The following MICU1 variants were observed in gnomAD, a reference collection of about 807,000 sequenced individuals.
The protein encoded by MICU1 is calcium uptake protein 1, mitochondrial.
Under a neutral mutation model 56.8 loss-of-function variants are expected in MICU1, and 45 were observed. The observed-to-expected ratio is 0.79, with a 90% confidence interval of 0.62 to 1.02. MICU1 has a LOEUF of 1.02. MICU1 is among the 50% of genes least tolerant of loss of function. The pLI, the probability that MICU1 is intolerant of heterozygous loss-of-function variation, is 0.00. For synonymous variants in MICU1, 186 were observed against 195.1 expected, an observed-to-expected ratio of 0.95 and a Z score of 0.39; for missense variants, 504 against 587.1, an observed-to-expected ratio of 0.86 and a Z score of 1.46.
intron 7 of MICU1, among the ~76,000 whole-genome samples, chr10:72,475,538 C>T (rs2132269337): frequency 1.3e-5 from 2 of 152,032 alleles, no homozygotes; most frequent in South Asian, 4.2e-4. Context: ...AAGCAATTCT[C>T]ATGCCTCAGC....
intron 5 of MICU1, among the ~76,000 whole-genome samples, chr10:72,512,219 C>T (rs1337717001): frequency 1.3e-5 from 2 of 149,410 alleles, no homozygotes; most frequent in African/African-American, 5.0e-5. Flanking sequence ...TCAAGCAATT[C>T]CCCTGCCTCA....
rs184127987 is a variant in MICU1 at position 72,546,919 on chromosome 10, T to A, written c.493+4260A>T. Among the ~76,000 whole-genome samples the A allele has an allele frequency of 5.6e-3, 820 of 145,428 alleles. 6 individuals carry two copies. The highest frequency in any genetic ancestry group is 0.018 in the African/African-American group (704 of 38,808). The stretch of plus-strand genomic sequence containing the variant: ...TTTTTTTTTTTTTTTTGAGATGGAG[T>A]CTCGCTCTGTCGCCCAGGCTGGACT... On this transcript the variant is annotated intron_variant, in intron 4 of 11. Transcript: ENST00000361114.
chr10:72,406,996 CT>C (rs1863652849), intron 10 of MICU1, among the ~76,000 whole-genome samples: 1 of 152,152 alleles, frequency 6.6e-6, no homozygotes, highest in Admixed American at 6.5e-5. Flanking sequence ...GGAGATGGAT[CT>C]CAAAAACATT....
At chr10:72,485,553 TAA>T (rs1297196197) in intron 6 of MICU1, among the ~76,000 whole-genome samples, 4 of 140,514 alleles carry the variant, frequency 2.8e-5, no homozygotes, top group Non-Finnish European at 1.6e-5. Flanking sequence ...CGTTTCCAGT[TAA>T]AAAAAAAAAA....
intron 10 of MICU1, among the ~76,000 whole-genome samples, chr10:72,380,746 A>G (rs977367411): frequency 1.3e-5 from 2 of 152,176 alleles, no homozygotes. Context: ...CTTTCCCTAT[A>G]CACACTGGGT....
chr10:72,612,380 T>C (rs1318060168), intron 1 of MICU1, among the ~76,000 whole-genome samples: 1 of 151,892 alleles, frequency 6.6e-6, no homozygotes, highest in Non-Finnish European at 1.5e-5. Context: ...AAACATGCAG[T>C]CGAAAAGGAA....
At chr10:72,470,708 C>T (rs926675875) in intron 8 of MICU1, among the ~76,000 whole-genome samples, 1 of 151,410 alleles carries the variant, frequency 6.6e-6, no homozygotes, top group Non-Finnish European at 1.5e-5. Flanking sequence ...GAACTTTGAT[C>T]GGGGGGGGTG....
chr10:72,613,269 A>ATT (rs34740619), intron 1 of MICU1, among the ~76,000 whole-genome samples: 4,771 of 129,296 alleles, frequency 0.037, 280 homozygotes, highest in African/African-American at 0.12. Flanking sequence ...TTTACCCCTA[A>ATT]TTTTTTTTTT....
chr10:72,589,833 T>C (rs1841171532), intron 1 of MICU1, among the ~76,000 whole-genome samples: 1 of 152,220 alleles, frequency 6.6e-6, no homozygotes, highest in Non-Finnish European at 1.5e-5. Context: ...TAAAAGCTAG[T>C]GCTTTTGTAA....
At chr10:72,444,319 A>T (rs1249227924) in intron 8 of MICU1, among the ~76,000 whole-genome samples, 1 of 152,044 alleles carries the variant, frequency 6.6e-6, no homozygotes, top group Non-Finnish European at 1.5e-5. Flanking sequence ...ACATGTATAC[A>T]TATCTAACTA....
At chr10:72,607,894 C>A (rs1420389553) in intron 1 of MICU1, among the ~76,000 whole-genome samples, 3 of 152,042 alleles carry the variant, frequency 2.0e-5, no homozygotes, top group Non-Finnish European at 4.4e-5. Context: ...CAGAATTGAA[C>A]TGAATTGTAG....
At chr10:72,516,962 G>GT (rs1283876552) in intron 5 of MICU1, among the ~76,000 whole-genome samples, 1 of 152,106 alleles carries the variant, frequency 6.6e-6, no homozygotes, top group African/African-American at 2.4e-5. Context: ...TTAGGATTAT[G>GT]TATCTATTTA....
At position 72,375,969 on chromosome 10, in the gene MICU1, T is replaced by C. The variant is rs79580488; in HGVS notation, c.1181-97A>G. ...AACGACTCAGTCATAATACAAGTTT[T>C]CAACTGCATTTAAGTCACATTTAAG... is the stretch of plus-strand genomic sequence containing the variant. On this transcript the variant is annotated intron_variant, in intron 10 of 11. Coordinates refer to ENST00000361114, the MANE Select transcript of MICU1 (RefSeq NM_001195518.2). The C allele has an allele frequency of 1.4e-3, 1,584 of 1,101,622 alleles. 18 individuals carry two copies. The African/African-American group carries it at 0.022, about 15-fold the overall frequency. 68.2% of individuals were successfully genotyped at this position (1,101,622 alleles called of 1,614,324 possible).
At chr10:72,395,213 C>T (rs928518086) in intron 10 of MICU1, among the ~76,000 whole-genome samples, 1 of 151,926 alleles carries the variant, frequency 6.6e-6, no homozygotes, top group African/African-American at 2.4e-5. Flanking sequence ...GACGGGGTTT[C>T]ACCTTGTTAG....
At chr10:72,468,599 AT>A (rs2132254431) in intron 8 of MICU1, among the ~76,000 whole-genome samples, 2 of 152,022 alleles carry the variant, frequency 1.3e-5, no homozygotes, top group East Asian at 3.9e-4. Flanking sequence ...GAGTTCCCAA[AT>A]AAAGAAAAAA....
rs147110081 is a variant in MICU1, at chr10:72,487,367, C to A, written c.653-10111G>T. ...CCGTTGCAACCAGATCAGCTACAGA[C>A]AAGAGCAGAGTTTCAATGGAAGTTT... On this transcript the variant is annotated intron_variant, in intron 6 of 11. Transcript: ENST00000361114. Among the ~76,000 whole-genome samples the A allele has an allele frequency of 2.6e-3, 390 of 152,200 alleles. 2 individuals carry two copies. The highest frequency in any genetic ancestry group is 9.0e-3 in the African/African-American group (373 of 41,530).
intron 8 of MICU1, among the ~76,000 whole-genome samples, chr10:72,433,673 A>G (rs1171676154): frequency 6.6e-6 from 1 of 151,192 alleles, no homozygotes; most frequent in Non-Finnish European, 1.5e-5. Flanking sequence ...CAGGTGATCC[A>G]CCCGCTTCAG....
intron 8 of MICU1, among the ~76,000 whole-genome samples, chr10:72,459,581 CT>C (rs1865585373): frequency 6.6e-6 from 1 of 152,128 alleles, no homozygotes; most frequent in Admixed American, 6.6e-5. Flanking sequence ...GGCTCATTTA[CT>C]TTATTCTGTA....
chr10:72,442,345 T>C (rs1864962913), intron 8 of MICU1, among the ~76,000 whole-genome samples: 3 of 152,054 alleles, frequency 2.0e-5, no homozygotes, highest in Non-Finnish European at 4.4e-5. Flanking sequence ...GGTTTCACCA[T>C]GTTGGACAGG....
Sources: allele counts gnomAD v4.1 joint callset (sites outside exome capture counted in the v4.1 genomes callset), GRCh38; gene constraint gnomAD v4.1.1; transcripts MANE v1.5; gene names NCBI Gene and HGNC (gene_info 2026-07-23, HGNC 2026-07-21).